The following AAMP variants were observed in gnomAD, a reference collection of about 807,000 sequenced individuals.
AAMP encodes the protein angio-associated migratory cell protein.
In AAMP, 12 loss-of-function variants were observed where a neutral mutation model predicts 51.1. The ratio of observed to expected loss-of-function variants is 0.23; its 90% CI spans 0.15 to 0.38. The LOEUF is 0.38. Among genes scored for constraint, AAMP ranks in the 10% least tolerant of loss-of-function variants. The pLI, the probability that AAMP is intolerant of heterozygous loss-of-function variation, is 1.00. For missense variants in AAMP, 418 were observed against 557.2 expected, an observed-to-expected ratio of 0.75 and a Z score of 2.52; for synonymous variants, 210 against 218.7, an observed-to-expected ratio of 0.96 and a Z score of 0.35.
At position 218,265,454 on chromosome 2, in the gene AAMP, G is replaced by C; in HGVS notation, c.991C>G (p.Leu331Val). The part of the protein sequence containing the change: ...ESLGFCSVMP[L>V]AAVGYLDGTL... ...CCATCCAGGTAGCCAACAGCTGCCA[G>C]GGGCATCCTGGCCAGAGGAGCGTAC... The change falls in exon 9 of 11, where the codon CTG (leucine) becomes GTG (valine). Residue 331 changes from leucine to valine, a missense_variant. Leu to Val is a conservative substitution (Grantham distance 32). Transcript: ENST00000248450. The surrounding 1 kb of genome is among the most constrained non-coding windows in gnomAD (Gnocchi z 6.6). 1 of 1,570,978 alleles carries C rather than the reference G, an allele frequency of 6.4e-7. No individual in the cohort carries two copies. The highest frequency in any genetic ancestry group is 8.6e-7 in the Non-Finnish European group (1 of 1,156,584).
At position 218,264,158 on chromosome 2, in the gene AAMP, A is replaced by C. The variant is rs1690558075; in HGVS notation, c.*375T>G. On this transcript the variant is annotated 3_prime_UTR_variant, in exon 11 of 11. Coordinates refer to ENST00000248450, the MANE Select transcript of AAMP (RefSeq NM_001087.5). Reference sequence around the variant, plus strand: ...GGAAGTATATTTTATTTACATTTTTAAAATCTTTAACTAGTATCTCTTCCT... The same window carrying C: ...GGAAGTATATTTTATTTACATTTTTCAAATCTTTAACTAGTATCTCTTCCT... 6.0e-6 allele frequency: 2 copies of C among 333,810 alleles called. No individual in the cohort carries two copies. Among genetic ancestry groups the C allele is most frequent in the Non-Finnish European group, 5.5e-6 (1 of 180,344 alleles). The allele number at this position is 333,810 out of a possible 1,614,324, so 20.7% of individuals were successfully genotyped here. A position where few individuals can be genotyped will look rare whatever the true frequency, so the allele number is the denominator to read the frequency against.
Position 218,266,606 on chromosome 2 carries a change from G to A in AAMP, c.535-19C>T, listed in dbSNP as rs768291730. 1 of 1,602,062 alleles carries A rather than the reference G, an allele frequency of 6.2e-7. No homozygotes were observed. The highest frequency in any genetic ancestry group is 8.5e-7 in the Non-Finnish European group (1 of 1,171,320). ...CCATCCACTGGACAGGGAGGAAGGG[G>A]CAGCAGGGAGGCCCGTCACCCCATC... On this transcript the variant is annotated intron_variant, in intron 4 of 10. Transcript: ENST00000248450. This position sits in a 1 kb window ranked among gnomAD's most constrained non-coding sequence, Gnocchi z 4.7.
rs764748296 is a variant in AAMP, at chr2:218,269,588, G to C, written c.122-54C>G. The C allele has an allele frequency of 4.3e-6, 7 of 1,613,386 alleles. No homozygotes were observed. The African/African-American group carries it at 9.3e-5, about 22-fold the overall frequency. On this transcript the variant is annotated intron_variant, in intron 1 of 10. Transcript: ENST00000248450. ...GGCTCGGGAGGCGGTAAGAGGTACGGAGAGAAGCATGAGGAGGCCTGAGGC... is the reference window on the plus strand; with the variant it reads ...GGCTCGGGAGGCGGTAAGAGGTACGCAGAGAAGCATGAGGAGGCCTGAGGC...
Position 218,269,661 on chromosome 2 carries a change from G to A in AAMP, c.122-127C>T. On this transcript the variant is annotated intron_variant, in intron 1 of 10. Coordinates refer to ENST00000248450, the MANE Select transcript of AAMP (RefSeq NM_001087.5). ...AGGGAAGGTGGAGTCAGACACACCG[G>A]GGTCCGCGGGGGCGCGCGGGACACA... is the stretch of plus-strand genomic sequence containing the variant. 6 of 1,493,446 alleles carry A rather than the reference G, an allele frequency of 4.0e-6. 1 individual carries two copies. Among genetic ancestry groups the A allele is most frequent in the Middle Eastern group, 3.8e-4 (2 of 5,268 alleles). 92.5% of individuals were successfully genotyped at this position (1,493,446 alleles called of 1,614,324 possible). A position where few individuals can be genotyped will look rare whatever the true frequency, so the allele number is the denominator to read the frequency against.
chr2:218,269,023 G>T (rs1218403354), intron 2 of AAMP, among the ~76,000 whole-genome samples: 1 of 151,422 alleles, frequency 6.6e-6, no homozygotes, highest in Non-Finnish European at 1.5e-5. Flanking sequence ...AGTAGAGACT[G>T]GGTTTTGCCA....
chr2:218,270,117 G>T lies in AAMP; in HGVS notation c.-31C>A. On this transcript the variant is annotated 5_prime_UTR_variant, in exon 1 of 11. Transcript: ENST00000248450. ...GCAAGCGGCGGATCCACTTCTCTGGGCCCAAACGCCTCCCAGAGTCAGCTC... is the reference window on the plus strand; with the variant it reads ...GCAAGCGGCGGATCCACTTCTCTGGTCCCAAACGCCTCCCAGAGTCAGCTC... 6.2e-7 allele frequency: 1 copy of T among 1,611,214 alleles called. No individual in the cohort carries two copies. Among genetic ancestry groups the T allele is most frequent in the Non-Finnish European group, 8.5e-7 (1 of 1,178,554 alleles).
rs1440371840 is a variant in AAMP, at chr2:218,269,686, AG to A, written c.122-153del. On this transcript the variant is annotated intron_variant, in intron 1 of 10. Transcript: ENST00000248450. ...GGGTCCGCGGGGGCGCGCGGGACAC[AG>A]GACGGGAGGCCACGGCTGGCCAGAG... 34 of 1,326,520 alleles carry A rather than the reference AG, an allele frequency of 2.6e-5. 1 individual carries two copies. Among genetic ancestry groups the A allele is most frequent in the Non-Finnish European group, 3.5e-5 (33 of 952,346 alleles). The allele number at this position is 1,326,520 out of a possible 1,614,324, so 82.2% of individuals were successfully genotyped here. A position where few individuals can be genotyped will look rare whatever the true frequency, so the allele number is the denominator to read the frequency against.
rs1690606370 is a variant in AAMP at position 218,265,604 on chromosome 2, C to T, written c.958G>A (p.Val320Met). The stretch of plus-strand genomic sequence containing the variant: ...ACACTGCAGAAGCCCAAGGACTCCA[C>T]CGAGTTGGACTCACTCTCCTCCCCT... ...GEGEESESNS[V>M]ESLGFCSVMP... Residue 320 changes from valine to methionine, a missense_variant, in exon 8 of 11, where the codon GTG (valine) becomes ATG (methionine). Physicochemically the swap from Val to Met is conservative, Grantham distance 21. Transcript: ENST00000248450. This position sits in a 1 kb window ranked among gnomAD's most constrained non-coding sequence, Gnocchi z 6.6. The T allele has an allele frequency of 6.2e-7, 1 of 1,613,938 alleles. No individual in the cohort carries two copies. The highest frequency in any genetic ancestry group is 8.5e-7 in the Non-Finnish European group (1 of 1,179,992).
At chr2:218,269,321 G>A (rs906902733) in intron 2 of AAMP, 61 bp downstream of exon 2, 35 of 1,600,674 alleles carry the variant, frequency 2.2e-5, no homozygotes, top group Non-Finnish European at 2.8e-5. Flanking sequence ...GTCCATGGCT[G>A]ATGTTTAATG....
rs1286389669 is a variant in AAMP, at chr2:218,269,305, C to G, written c.274+77G>C. The G allele has an allele frequency of 5.2e-5, 82 of 1,569,664 alleles. No individual in the cohort carries two copies. The East Asian group carries it at 1.1e-3, about 20-fold the overall frequency. On this transcript the variant is annotated intron_variant, in intron 2 of 10. Transcript: ENST00000248450. Reference sequence around the variant, plus strand: ...TTGCCCATCTCTGTGTCCCCCATAACGTTCTGTCCATGGCTGATGTTTAAT... The same window carrying G: ...TTGCCCATCTCTGTGTCCCCCATAAGGTTCTGTCCATGGCTGATGTTTAAT...
Position 218,265,374 on chromosome 2 carries a change from G to A in AAMP, c.1071C>T (p.His357=), listed in dbSNP as rs1311759335. ...CCCCAGCTCCAGCTGCCCATACCTG[G>A]TGCTGACACTGATGCCTAAGAGTCT... ...ATQTLRHQCQ[H]QSGIVQLLWE... The change falls in exon 9 of 11, where the codon CAC becomes CAT. Residue 357 remains histidine, a synonymous_variant. Transcript: ENST00000248450. The surrounding 1 kb of genome is among the most constrained non-coding windows in gnomAD (Gnocchi z 6.6). 3 of 1,557,698 alleles carry A rather than the reference G, an allele frequency of 1.9e-6. No homozygotes were observed. The highest frequency in any genetic ancestry group is 2.6e-6 in the Non-Finnish European group (3 of 1,149,536).
At position 218,265,653 on chromosome 2, in the gene AAMP, C is replaced by T; in HGVS notation, c.909G>A (p.Val303=). 1 of 1,613,536 alleles carries T rather than the reference C, an allele frequency of 6.2e-7. No individual in the cohort carries two copies. Among genetic ancestry groups the T allele is most frequent in the Non-Finnish European group, 8.5e-7 (1 of 1,179,984 alleles). Residue 303 remains valine (V), a synonymous_variant, in exon 8 of 11, where the codon GTG becomes GTA. Transcript: ENST00000248450. The surrounding 1 kb of genome is among the most constrained non-coding windows in gnomAD (Gnocchi z 6.6). ...KVVGVFRPET[V]ASQPSLGEGE... ...CTTCTCCCAGGCTGGGCTGGGAGGCCACAGTCTCAGGTCTAAAAACACCCA... is the reference window on the plus strand; with the variant it reads ...CTTCTCCCAGGCTGGGCTGGGAGGCTACAGTCTCAGGTCTAAAAACACCCA...
rs1690611867 is a variant in AAMP at position 218,265,781 on chromosome 2, G to A, written c.879+50C>T. The A allele has an allele frequency of 6.3e-7, 1 of 1,583,464 alleles. No individual in the cohort carries two copies. Among genetic ancestry groups the A allele is most frequent in the Admixed American group, 1.7e-5 (1 of 59,794 alleles). The stretch of plus-strand genomic sequence containing the variant: ...AGACAGTGAAGACCCAGGAAGGAAG[G>A]AGAGGAGTCGGGAAAGCGGAGGCCC... On this transcript the variant is annotated intron_variant, in intron 7 of 10. Transcript: ENST00000248450. This position sits in a 1 kb window ranked among gnomAD's most constrained non-coding sequence, Gnocchi z 6.6.
intron 1 of AAMP, 154 bp from the exon 2 acceptor site, chr2:218,269,688 G>A: frequency 7.6e-7 from 1 of 1,318,512 alleles, no homozygotes; most frequent in South Asian, 1.3e-5. Flanking sequence ...CGGGACACAG[G>A]ACGGGAGGCC....
chr2:218,266,418 G>A lies in AAMP; in HGVS notation c.679+25C>T, dbSNP rs1690629106. 1.2e-6 allele frequency: 2 copies of A among 1,609,100 alleles called. No individual in the cohort carries two copies. The highest frequency in any genetic ancestry group is 1.7e-6 in the Non-Finnish European group (2 of 1,176,416). Reference sequence around the variant, plus strand: ...GGATTCGGCCTCTGCACCCAGGAAAGGTCACTCAAGGGAGGTGCTCTCACC... The same window carrying A: ...GGATTCGGCCTCTGCACCCAGGAAAAGTCACTCAAGGGAGGTGCTCTCACC... On this transcript the variant is annotated intron_variant, in intron 5 of 10. Transcript: ENST00000248450. The surrounding 1 kb of genome is among the most constrained non-coding windows in gnomAD (Gnocchi z 4.7).
rs770325801 is a variant in AAMP at position 218,266,897 on chromosome 2, G to T, written c.484C>A (p.Gln162Lys). 17 of 1,614,182 alleles carry T rather than the reference G, an allele frequency of 1.1e-5. No homozygotes were observed. Among genetic ancestry groups the T allele is most frequent in the Non-Finnish European group, 1.4e-5 (17 of 1,180,030 alleles). ...GDMSGLLKVW[Q>K]VDTKEEVWSF... is the part of the protein sequence containing the mutation. ...CAGACCTCCTCCTTAGTGTCCACCT[G>T]CCACACTTTCAAGAGGCCACTCATG... Residue 162 changes from glutamine (Q) to lysine (K), a missense_variant, in exon 4 of 11, where the codon CAG (glutamine) becomes AAG (lysine). Gln to Lys is a moderately conservative substitution (Grantham distance 53). Transcript: ENST00000248450. The surrounding 1 kb of genome is among the most constrained non-coding windows in gnomAD (Gnocchi z 4.7).
intron 1 of AAMP, 61 bp downstream of exon 1, chr2:218,269,905 G>A: frequency 1.2e-6 from 2 of 1,607,876 alleles, no homozygotes; most frequent in Non-Finnish European, 8.5e-7. Flanking sequence ...GGGAAAAGCA[G>A]GAGTCAGAGG....
Position 218,266,034 on chromosome 2 carries a change from C to G in AAMP, c.763+30G>C. ...GTTCTCAGCCCCTCCCTACAAAGGC[C>G]CAGGCTAACACTTCCCCCACCTCTG... On this transcript the variant is annotated intron_variant, in intron 6 of 10. Transcript: ENST00000248450. The surrounding 1 kb of genome is among the most constrained non-coding windows in gnomAD (Gnocchi z 4.7). The G allele has an allele frequency of 6.2e-7, 1 of 1,612,522 alleles. No homozygotes were observed. Among genetic ancestry groups the G allele is most frequent in the Non-Finnish European group, 8.5e-7 (1 of 1,178,570 alleles).
chr2:218,269,988 A>C lies in AAMP; in HGVS notation c.99T>G (p.Leu33=). ...GDEEIIEVVE[L]DPGPPDPDDL... is the part of the protein sequence containing the mutation. ...CACCTGGGTCCGGCGGACCGGGATC[A>C]AGTTCTACCACCTCGATAATCTCTT... The change falls in exon 1 of 11, where the codon CTT becomes CTG. Residue 33 remains leucine (L), a synonymous_variant. Transcript: ENST00000248450. 1 of 1,614,092 alleles carries C rather than the reference A, an allele frequency of 6.2e-7. No individual in the cohort carries two copies. The highest frequency in any genetic ancestry group is 8.5e-7 in the Non-Finnish European group (1 of 1,180,000).
Sources: allele counts gnomAD v4.1 joint callset (sites outside exome capture counted in the v4.1 genomes callset), GRCh38; gene constraint gnomAD v4.1.1; non-coding constraint Gnocchi (gnomAD v3.1); transcripts MANE v1.5; gene names NCBI Gene and HGNC (gene_info 2026-07-23, HGNC 2026-07-21).